Variants in PAK1 observed in about 807,000 individuals in gnomAD.
PAK1 encodes the protein serine/threonine-protein kinase PAK 1.
Under a neutral mutation model 67.4 loss-of-function variants are expected in PAK1, and 29 were observed. That is an observed-to-expected ratio of 0.43 (90% CI 0.32 to 0.59). PAK1 has a LOEUF of 0.59. PAK1 is among the 20% of genes least tolerant of loss of function. The probability of loss-of-function intolerance (pLI) is 0.07; values close to 1 mark genes in which losing one functional copy is unlikely to be tolerated. For synonymous variants in PAK1, 223 were observed against 237.4 expected (o/e 0.94, Z 0.56); for missense variants, 337 against 670.7 (o/e 0.50, Z 5.50).
chr11:77,372,144 A>G (rs1436622686), intron 5 of PAK1, among the ~76,000 whole-genome samples: 2 of 152,244 alleles, frequency 1.3e-5, no homozygotes, highest in Non-Finnish European at 2.9e-5. Flanking sequence ...CAGGCACTCA[A>G]TATTGATAGC....
intron 4 of PAK1, among the ~76,000 whole-genome samples, chr11:77,374,694 T>C (rs1350535049): frequency 6.6e-6 from 1 of 152,170 alleles, no homozygotes; most frequent in African/African-American, 2.4e-5. Flanking sequence ...GTGAACATCA[T>C]AGAGTGTACT....
At chr11:77,467,192 G>T (rs1488390882) in intron 1 of PAK1, among the ~76,000 whole-genome samples, 1 of 152,072 alleles carries the variant, frequency 6.6e-6, no homozygotes, top group African/African-American at 2.4e-5. Flanking sequence ...GTTAACCCCT[G>T]ATCATTTTTC....
At chr11:77,407,470 T>C (rs1953770021) in intron 1 of PAK1, among the ~76,000 whole-genome samples, 2 of 152,234 alleles carry the variant, frequency 1.3e-5, no homozygotes, top group Non-Finnish European at 2.9e-5. Context: ...TGAGTGCCTA[T>C]TCTTGCCTGT....
chr11:77,428,398 C>A (rs1257827743), intron 1 of PAK1, among the ~76,000 whole-genome samples: 3 of 151,772 alleles, frequency 2.0e-5, no homozygotes, highest in Admixed American at 2.0e-4. Context: ...CCCGTTGCTA[C>A]TAAAAATACA....
intron 1 of PAK1, among the ~76,000 whole-genome samples, chr11:77,459,016 T>A (rs988491174): frequency 7.9e-5 from 12 of 152,126 alleles, no homozygotes; most frequent in Admixed American, 1.3e-4. Context: ...TCTTGAGGAA[T>A]AAAGAGTTTT....
intron 2 of PAK1, among the ~76,000 whole-genome samples, chr11:77,387,973 T>C (rs508662): frequency 0.24 from 36,842 of 152,170 alleles, 5,083 homozygotes; most frequent in Non-Finnish European, 0.31. Context: ...ACTTCTTTCA[T>C]TTTGATGTAT....
chr11:77,432,094 T>G (rs147092108), intron 1 of PAK1, among the ~76,000 whole-genome samples: 15 of 152,308 alleles, frequency 9.8e-5, no homozygotes, highest in Non-Finnish European at 2.1e-4. Context: ...CAACAAGTAA[T>G]TGTAGTATGA....
intron 1 of PAK1, among the ~76,000 whole-genome samples, chr11:77,444,747 T>TA (rs1265474742): frequency 2.0e-5 from 3 of 152,116 alleles, no homozygotes; most frequent in African/African-American, 7.2e-5. Flanking sequence ...AACAACTAAG[T>TA]AAAAAAACTG....
chr11:77,471,658 A>G (rs1957861724), intron 1 of PAK1, among the ~76,000 whole-genome samples: 1 of 152,194 alleles, frequency 6.6e-6, no homozygotes, highest in African/African-American at 2.4e-5. Context: ...CAGTGGTCTG[A>G]TCCCTGAGAG....
chr11:77,487,266 G>C, the PAK1 span, among the ~76,000 whole-genome samples: 2 of 152,106 alleles, frequency 1.3e-5, no homozygotes, highest in African/African-American at 4.8e-5. Flanking sequence ...ATCATCTGCT[G>C]ACTATACAGT....
At chr11:77,497,838 T>A in the PAK1 span, among the ~76,000 whole-genome samples, 1 of 152,360 alleles carries the variant, frequency 6.6e-6, no homozygotes, top group Middle Eastern at 3.4e-3. Context: ...ATGCAAGTGT[T>A]TTTTGTTTTT....
chr11:77,372,266 T>C (rs1259803188), intron 5 of PAK1, among the ~76,000 whole-genome samples: 1 of 152,202 alleles, frequency 6.6e-6, no homozygotes, highest in Admixed American at 6.5e-5. Flanking sequence ...GCAAATTCTT[T>C]CCCATCTTTT....
At position 77,379,908 on chromosome 11, in the gene PAK1, T is replaced by C. The variant is rs1374612097; in HGVS notation, c.277A>G (p.Thr93Ala). ...CCAGGACTTACCGTAAACTCCCCTGTGACAGCATCAAAACCGACATGAATT... is the reference window on the plus strand; with the variant it reads ...CCAGGACTTACCGTAAACTCCCCTGCGACAGCATCAAAACCGACATGAATT... ...HTIHVGFDAV[T>A]GEFTGMPEQW... The change falls in exon 3 of 15, where the codon ACA (threonine) becomes GCA (alanine). Residue 93 changes from threonine to alanine, a missense_variant. By Grantham distance (58) the Thr-to-Ala change is moderately conservative. Coordinates refer to ENST00000356341, the MANE Select transcript of PAK1 (RefSeq NM_002576.5). 6.2e-7 allele frequency: 1 copy of C among 1,613,200 alleles called. No homozygotes were observed. Among genetic ancestry groups the C allele is most frequent in the African/African-American group, 1.3e-5 (1 of 74,908 alleles).
intron 1 of PAK1, among the ~76,000 whole-genome samples, chr11:77,469,003 T>C (rs550538556): frequency 1.3e-5 from 2 of 152,102 alleles, no homozygotes; most frequent in Non-Finnish European, 2.9e-5. Context: ...CCTGTATGAA[T>C]GATAAATGTA....
Position 77,426,243 on chromosome 11 carries a change from ATCTTTTTTTC to A in PAK1, c.-21-33712_-21-33703del, listed in dbSNP as rs1466012934. ...TTGACAAATGGGAACCACCACCACC[ATCTTTTTTTC>A]TCTGATCACAATATGAAGGTTATAT... On this transcript the variant is annotated intron_variant, in intron 1 of 14. Coordinates refer to ENST00000356341, the MANE Select transcript of PAK1 (RefSeq NM_002576.5). Among the ~76,000 whole-genome samples, 26 of 151,962 alleles carry A rather than the reference ATCTTTTTTTC, an allele frequency of 1.7e-4. No individual in the cohort carries two copies. The South Asian group carries it at 5.4e-3, about 32-fold the overall frequency.
the PAK1 span, among the ~76,000 whole-genome samples, chr11:77,518,619 G>A: frequency 1.3e-5 from 2 of 152,010 alleles, no homozygotes; most frequent in Non-Finnish European, 2.9e-5. Flanking sequence ...GTGTGAGAGA[G>A]AAAATCATTA....
intron 14 of PAK1, among the ~76,000 whole-genome samples, chr11:77,326,704 A>C (rs1939987382): frequency 6.6e-6 from 1 of 152,014 alleles, no homozygotes; most frequent in South Asian, 2.1e-4. Flanking sequence ...GAGCAGAAAA[A>C]CTGGAAACTC....
chr11:77,343,281 T>G (rs1368073000), intron 10 of PAK1, among the ~76,000 whole-genome samples: 2 of 131,576 alleles, frequency 1.5e-5, no homozygotes, highest in Non-Finnish European at 3.3e-5. Flanking sequence ...AAAAAAAAAA[T>G]CAGAAATTTT....
chr11:77,430,688 G>A (rs918226295), intron 1 of PAK1, among the ~76,000 whole-genome samples: 13 of 152,192 alleles, frequency 8.5e-5, no homozygotes, highest in African/African-American at 3.1e-4. Context: ...CTTCCCCCTT[G>A]GGATGATTAT....
Sources: gnomAD v4.1 joint callset for allele counts (sites outside exome capture counted in the v4.1 genomes callset) on GRCh38, gnomAD v4.1.1 for gene constraint, MANE v1.5 for transcripts, NCBI Gene and HGNC (gene_info 2026-07-23, HGNC 2026-07-21) for gene names.